ADHFE1: variants seen among roughly 807,000 people sequenced by gnomAD.
ADHFE1 encodes the protein alcohol dehydrogenase iron containing 1.
A neutral mutation model predicts 54.8 loss-of-function variants in ADHFE1; 37 were observed. The observed-to-expected ratio is 0.68, with a 90% CI of 0.52 to 0.89. The LOEUF (loss-of-function observed/expected upper bound fraction) is 0.89. ADHFE1 is among the 40% of genes least tolerant of loss of function. The probability of loss-of-function intolerance (pLI) is 0.00; values close to 1 mark genes in which losing one functional copy is unlikely to be tolerated. For synonymous variants in ADHFE1, 203 were observed against 229.3 expected (o/e 0.89, Z 1.04); for missense variants, 601 against 591.2 (o/e 1.02, Z -0.17).
At chr8:66,457,407 A>C (rs955496111) in intron 12 of ADHFE1, among the ~76,000 whole-genome samples, 11 of 151,036 alleles carry the variant, frequency 7.3e-5, no homozygotes, top group African/African-American at 2.7e-4. Context: ...GAGCCCAGGA[A>C]GTTGAGGCTG....
chr8:66,445,346 T>A lies in ADHFE1; in HGVS notation c.482T>A (p.Leu161Gln). ...LYASSPHSDF[L>Q]DYVSAPIGKG... ...GCATCCAGCCCTCATTCTGATTTCC[T>A]AGATTATGTCAGTGCCCCCATTGGC... is the stretch of plus-strand genomic sequence containing the variant. Residue 161 changes from leucine to glutamine, a missense_variant, in exon 6 of 14, where the codon CTA (leucine) becomes CAA (glutamine). Leu to Gln is a moderately radical substitution (Grantham distance 113, BLOSUM62 -2). Coordinates refer to ENST00000396623, the MANE Select transcript of ADHFE1 (RefSeq NM_144650.3). The A allele has an allele frequency of 6.2e-7, 1 of 1,614,116 alleles. No individual in the cohort carries two copies. Among genetic ancestry groups the A allele is most frequent in the Non-Finnish European group, 8.5e-7 (1 of 1,180,018 alleles).
intron 3 of ADHFE1, among the ~76,000 whole-genome samples, chr8:66,443,083 T>G (rs972467310): frequency 6.6e-6 from 1 of 152,104 alleles, no homozygotes; most frequent in Non-Finnish European, 1.5e-5. Flanking sequence ...ATAGGATAAA[T>G]TCCCAATTCT....
chr8:66,433,656 TGAATTGTGTGCTGTA>T (rs1175420650), intron 1 of ADHFE1, among the ~76,000 whole-genome samples: 1 of 152,228 alleles, frequency 6.6e-6, no homozygotes, highest in Non-Finnish European at 1.5e-5. Flanking sequence ...GTAAGGAATT[TGAATTGTGTGCTGTA>T]GATAATGGAA....
intron 13 of ADHFE1, among the ~76,000 whole-genome samples, chr8:66,461,301 G>A (rs1397330614): frequency 6.6e-6 from 1 of 152,152 alleles, no homozygotes; most frequent in Non-Finnish European, 1.5e-5. Context: ...ATGCTATGAG[G>A]GTATGAGGAT....
intron 11 of ADHFE1, 74 bp from the exon 12 acceptor site, chr8:66,456,996 T>C: frequency 6.5e-7 from 1 of 1,531,938 alleles, no homozygotes; most frequent in Non-Finnish European, 8.9e-7. Flanking sequence ...TGGGGTAAAG[T>C]AACTTAACAT....
At chr8:66,445,623 G>A (rs1272138007) in intron 6 of ADHFE1, among the ~76,000 whole-genome samples, 2 of 152,172 alleles carry the variant, frequency 1.3e-5, no homozygotes, top group African/African-American at 4.8e-5. Flanking sequence ...TCAGTGGAAG[G>A]AAAGTTTGCA....
At chr8:66,441,002 C>T (rs1039654178) in intron 2 of ADHFE1, among the ~76,000 whole-genome samples, 1 of 152,176 alleles carries the variant, frequency 6.6e-6, no homozygotes, top group African/African-American at 2.4e-5. Flanking sequence ...GCCAAGGGAC[C>T]TCCCTGTCCA....
chr8:66,464,343 G>A (rs1468298079), intron 13 of ADHFE1, among the ~76,000 whole-genome samples: 3 of 152,152 alleles, frequency 2.0e-5, no homozygotes, highest in Non-Finnish European at 4.4e-5. Context: ...ACTCAGCTCA[G>A]GCTTGGCTTC....
intron 9 of ADHFE1, chr8:66,453,678 G>A (rs763594873): frequency 2.2e-5 from 30 of 1,366,590 alleles, no homozygotes; most frequent in Middle Eastern, 2.1e-4. Context: ...AGGTAGCCCC[G>A]GGCATCTGAG....
Position 66,453,067 on chromosome 8 carries a change from G to A in ADHFE1, c.887+962G>A, listed in dbSNP as rs548073504. On this transcript the variant is annotated intron_variant, in intron 9 of 13. Transcript: ENST00000396623. The stretch of plus-strand genomic sequence containing the variant: ...ATTTCAGGTTTGTGGGGGACTCCCA[G>A]GACAGCACAGCAGCACTTGACTAGA... Among the ~76,000 whole-genome samples the A allele has an allele frequency of 2.6e-5, 4 of 152,322 alleles. No homozygotes were observed. The South Asian group carries it at 8.3e-4, about 32-fold the overall frequency.
At chr8:66,466,030 T>C (rs1807159436) in intron 13 of ADHFE1, among the ~76,000 whole-genome samples, 1 of 142,616 alleles carries the variant, frequency 7.0e-6, no homozygotes, top group South Asian at 2.3e-4. Context: ...TTATTCAGCC[T>C]AGTTTATCTG....
chr8:66,458,664 TG>T (rs943642508), intron 12 of ADHFE1, among the ~76,000 whole-genome samples: 66 of 152,260 alleles, frequency 4.3e-4, no homozygotes, highest in African/African-American at 1.6e-3. Flanking sequence ...AATTCCAGGC[TG>T]GAAGAACCCA....
chr8:66,444,749 G>A lies in ADHFE1; in HGVS notation c.353+1G>A. 3.1e-6 allele frequency: 5 copies of A among 1,613,728 alleles called. No homozygotes were observed. Among genetic ancestry groups the A allele is most frequent in the Non-Finnish European group, 4.2e-6 (5 of 1,179,906 alleles). ...TGAGAGTGGAACCAACGGATTCAAG[G>A]TATTCTTGTATTGTTGTTATTGTTT... is the stretch of plus-strand genomic sequence containing the variant. On this transcript the variant is annotated splice_donor_variant, in intron 5 of 13. Coordinates refer to ENST00000396623, the MANE Select transcript of ADHFE1 (RefSeq NM_144650.3). LOFTEE classifies it high-confidence loss of function.
chr8:66,466,556 A>ACTG (rs370477731), intron 13 of ADHFE1, among the ~76,000 whole-genome samples: 85,572 of 151,648 alleles, frequency 0.56, 25,176 homozygotes, highest in African/African-American at 0.72. Flanking sequence ...CAGACAAAAC[A>ACTG]AATACCTACT....
chr8:66,443,015 A>T (rs1397899824), intron 3 of ADHFE1, among the ~76,000 whole-genome samples, 171 bp downstream of exon 3: 1 of 152,230 alleles, frequency 6.6e-6, no homozygotes, highest in Non-Finnish European at 1.5e-5. Flanking sequence ...ATAATGGAAT[A>T]TAAACCTTCT....
intron 13 of ADHFE1, among the ~76,000 whole-genome samples, chr8:66,466,010 T>C (rs1444632087): frequency 1.3e-5 from 2 of 151,822 alleles, no homozygotes; most frequent in East Asian, 3.9e-4. Context: ...TGCACAAAAG[T>C]TTTAAATTTT....
chr8:66,432,681 A>G (rs1055104876), intron 1 of ADHFE1, 106 bp downstream of exon 1: 30 of 1,235,430 alleles, frequency 2.4e-5, no homozygotes, highest in Non-Finnish European at 3.0e-5. Flanking sequence ...TACTTTCAAG[A>G]ATTCGGAGAA....
At chr8:66,453,592 G>A in intron 9 of ADHFE1, 1 of 774,368 alleles carries the variant, frequency 1.3e-6, no homozygotes, top group Non-Finnish European at 2.0e-6. Flanking sequence ...TAGAGGTGCA[G>A]CAACCACAGA....
Position 66,432,549 on chromosome 8 carries a change from C to T in ADHFE1, c.33C>T (p.Tyr11=), listed in dbSNP as rs1211130279. The change falls in exon 1 of 14, where the codon TAC becomes TAT. Residue 11 remains tyrosine (Y), a synonymous_variant. Transcript: ENST00000396623. The part of the protein sequence containing the change: MAAAARARVA[Y]LLRQLQRAAC... ...CTGCCGCCCGAGCCCGGGTCGCGTA[C>T]TTGCTGAGGCAACTGCAACGCGCAG... 1.5e-6 allele frequency: 2 copies of T among 1,356,342 alleles called. No individual in the cohort carries two copies. Among genetic ancestry groups the T allele is most frequent in the South Asian group, 1.9e-5 (1 of 53,702 alleles). The allele number at this position is 1,356,342 out of a possible 1,614,324, so 84.0% of individuals were successfully genotyped here. A position where few individuals can be genotyped will look rare whatever the true frequency, so the allele number is the denominator to read the frequency against.
Sources: allele counts gnomAD v4.1 joint callset (sites outside exome capture counted in the v4.1 genomes callset), GRCh38; gene constraint gnomAD v4.1.1; transcripts MANE v1.5; gene names NCBI Gene and HGNC (gene_info 2026-07-23, HGNC 2026-07-21).